SLC25A26: variants seen among roughly 807,000 people sequenced by gnomAD.
SLC25A26 encodes mitochondrial S-adenosylmethionine carrier protein.
SLC25A26 carries 36 observed loss-of-function variants against 37.8 expected under a neutral mutation model. The observed-to-expected ratio is 0.95, with a 90% CI of 0.73 to 1.26. The LOEUF (loss-of-function observed/expected upper bound fraction) is 1.26, where lower values mean the gene tolerates loss of function less well. Among genes scored for constraint, SLC25A26 ranks in the 50% most tolerant of loss-of-function variants. The pLI, the probability that SLC25A26 is intolerant of heterozygous loss-of-function variation, is 0.00. For missense variants in SLC25A26, 390 were observed against 331.1 expected, an observed-to-expected ratio of 1.18 and a Z score of -1.38; for synonymous variants, 129 against 122.5, an observed-to-expected ratio of 1.05 and a Z score of -0.35.
In SLC25A26 at chr3:66,162,876, C is replaced by T. The variant is rs146401998; in HGVS notation, c.-354+28892C>T. 5.8e-3 allele frequency among the ~76,000 whole-genome samples: 878 copies of T among 152,328 alleles called. 9 individuals are homozygous for T. The highest frequency in any genetic ancestry group is 0.02 in the African/African-American group (850 of 41,562). ...CTCCCATTTCATCCTCACAAATTAACTCCAGTTCACAGCTGAGAAAGCTTA... is the reference window on the plus strand; with the variant it reads ...CTCCCATTTCATCCTCACAAATTAATTCCAGTTCACAGCTGAGAAAGCTTA... On this transcript the variant is annotated intron_variant, in intron 1 of 10. Transcript: ENST00000676754.
chr3:66,316,349 G>A lies in SLC25A26; in HGVS notation c.454-30015G>A, dbSNP rs1017540293. Among the ~76,000 whole-genome samples the A allele has an allele frequency of 3.3e-5, 5 of 150,446 alleles. No individual in the cohort carries two copies. In the South Asian group the frequency reaches 1.0e-3, roughly 31 times the overall value. ...CCTCAGCATTTGCTTGTCTGAAAAA[G>A]ATTTTATTTCTCCTTTGCTTATGAG... On this transcript the variant is annotated intron_variant, in intron 5 of 9. Transcript: ENST00000354883.
intron 1 of SLC25A26, among the ~76,000 whole-genome samples, chr3:66,148,079 G>A (rs2070146534): frequency 6.6e-6 from 1 of 152,074 alleles, no homozygotes; most frequent in Admixed American, 6.6e-5. Context: ...TTAAATTATG[G>A]CCATTCTTGC....
chr3:66,344,034 A>T (rs974493176), intron 5 of SLC25A26, among the ~76,000 whole-genome samples: 1 of 152,162 alleles, frequency 6.6e-6, no homozygotes, highest in Non-Finnish European at 1.5e-5. Context: ...TAGCTTGTCA[A>T]ATTAGTCCAG....
At chr3:66,326,200 C>A (rs7625880) in intron 5 of SLC25A26, among the ~76,000 whole-genome samples, 45,842 of 151,914 alleles carry the variant, frequency 0.3, 10,301 homozygotes, top group East Asian at 0.69. Flanking sequence ...GCTAGATTGC[C>A]GGACATACAG....
intron 5 of SLC25A26, among the ~76,000 whole-genome samples, chr3:66,294,818 A>G (rs2074842724): frequency 6.6e-6 from 1 of 152,220 alleles, no homozygotes; most frequent in South Asian, 2.1e-4. Context: ...TTGTTAGGAA[A>G]GTCTTTGTAG....
chr3:66,204,540 G>T (rs1344572498), intron 1 of SLC25A26, among the ~76,000 whole-genome samples: 10 of 152,012 alleles, frequency 6.6e-5, no homozygotes, highest in Admixed American at 5.2e-4. Flanking sequence ...AACTCCTGGA[G>T]GTTTATCCTT....
chr3:66,375,769 G>A (rs977942869), intron 9 of SLC25A26, among the ~76,000 whole-genome samples: 1 of 152,056 alleles, frequency 6.6e-6, no homozygotes, highest in Admixed American at 6.5e-5. Context: ...GGAGATGAAT[G>A]TTGTTCTCAT....
chr3:66,195,277 G>C (rs2071026349), intron 1 of SLC25A26, among the ~76,000 whole-genome samples: 1 of 152,198 alleles, frequency 6.6e-6, no homozygotes, highest in African/African-American at 2.4e-5. Flanking sequence ...CTTTGACCCT[G>C]TCCTGTGCTG....
intron 5 of SLC25A26, among the ~76,000 whole-genome samples, chr3:66,281,124 G>A (rs1157954830): frequency 6.6e-6 from 1 of 152,060 alleles, no homozygotes; most frequent in East Asian, 1.9e-4. Context: ...TCCTGTAAAC[G>A]GTCCCATAAT....
intron 5 of SLC25A26, among the ~76,000 whole-genome samples, chr3:66,307,388 T>C (rs1321389146): frequency 6.6e-6 from 1 of 152,234 alleles, no homozygotes; most frequent in Non-Finnish European, 1.5e-5. Context: ...AAGTTCCTTG[T>C]AGATTCTGGA....
intron 1 of SLC25A26, among the ~76,000 whole-genome samples, chr3:66,196,967 A>G (rs1351424110): frequency 3.9e-5 from 6 of 152,210 alleles, no homozygotes; most frequent in African/African-American, 1.4e-4. Context: ...TTGTTAATTC[A>G]CTGATAATTT....
intron 3 of SLC25A26, among the ~76,000 whole-genome samples, chr3:66,247,345 G>T (rs958063280): frequency 1.3e-5 from 2 of 152,056 alleles, no homozygotes; most frequent in African/African-American, 4.8e-5. Context: ...GTCTCACTCT[G>T]TCAACCAGGC....
chr3:66,250,772 T>C (rs2073053010), intron 3 of SLC25A26, among the ~76,000 whole-genome samples: 1 of 152,118 alleles, frequency 6.6e-6, no homozygotes, highest in Non-Finnish European at 1.5e-5. Context: ...TGGATGGGTG[T>C]TAATTCAGAA....
At chr3:66,178,312 T>C (rs957176457) in intron 1 of SLC25A26, among the ~76,000 whole-genome samples, 1 of 152,120 alleles carries the variant, frequency 6.6e-6, no homozygotes, top group Admixed American at 6.5e-5. Context: ...TCCTGGCTCA[T>C]GGAAGGGATA....
chr3:66,235,329 GT>G (rs977193327), intron 1 of SLC25A26, among the ~76,000 whole-genome samples: 65 of 152,224 alleles, frequency 4.3e-4, no homozygotes, highest in African/African-American at 1.5e-3. Context: ...TTCTTAATCA[GT>G]TTTTTCCCCC....
At chr3:66,255,046 C>G (rs2073246917) in intron 3 of SLC25A26, among the ~76,000 whole-genome samples, 1 of 152,222 alleles carries the variant, frequency 6.6e-6, no homozygotes, top group African/African-American at 2.4e-5. Context: ...GCATCCATCT[C>G]TCTTTTCCTC....
intron 5 of SLC25A26, among the ~76,000 whole-genome samples, chr3:66,276,396 C>G (rs1173933447): frequency 4.6e-5 from 7 of 151,940 alleles, no homozygotes; most frequent in African/African-American, 1.5e-4. Context: ...TTCAGTAAAT[C>G]CTAAGAAAAT....
At chr3:66,341,717 T>G (rs978543818) in intron 5 of SLC25A26, among the ~76,000 whole-genome samples, 9 of 152,224 alleles carry the variant, frequency 5.9e-5, no homozygotes, top group African/African-American at 2.2e-4. Context: ...TATGTTTTTA[T>G]TAACCTAAGG....
chr3:66,175,214 T>C (rs987389903), intron 1 of SLC25A26, among the ~76,000 whole-genome samples: 8 of 150,772 alleles, frequency 5.3e-5, no homozygotes, highest in Non-Finnish European at 7.4e-5. Context: ...AGATTTACTA[T>C]ATAAAGGTTT....
Sources: allele counts gnomAD v4.1 joint callset (sites outside exome capture counted in the v4.1 genomes callset), GRCh38; gene constraint gnomAD v4.1.1; transcripts MANE v1.5; gene names NCBI Gene and HGNC (gene_info 2026-07-23, HGNC 2026-07-21).